Variants in SLC9B2 observed in about 807,000 individuals in gnomAD.
The protein encoded by SLC9B2 is solute carrier family 9 member B2.
Under a neutral mutation model 52.2 loss-of-function variants are expected in SLC9B2, and 39 were observed. The observed-to-expected ratio is 0.75, with a 90% CI of 0.58 to 0.98. The LOEUF is 0.98. Among genes scored for constraint, SLC9B2 ranks in the 50% least tolerant of loss-of-function variants. The probability of loss-of-function intolerance (pLI) is 0.00; values close to 1 mark genes in which losing one functional copy is unlikely to be tolerated. For missense variants in SLC9B2, 626 were observed against 637.5 expected (o/e 0.98, Z 0.19); for synonymous variants, 214 against 227.0 (o/e 0.94, Z 0.51).
chr4:103,027,888 C>T (rs1292780524), intron 11 of SLC9B2, among the ~76,000 whole-genome samples: 3 of 152,028 alleles, frequency 2.0e-5, no homozygotes, highest in Non-Finnish European at 4.4e-5. Context: ...ATACACATCC[C>T]CCAAAGCCTC....
chr4:103,066,401 G>C lies in SLC9B2; in HGVS notation c.197C>G (p.Ala66Gly). ...EKKLQETPTEANHVQRLRQML... is the reference protein window; with the variant it reads ...EKKLQETPTEGNHVQRLRQML... ...TTGTCTCAGTCTTTGTACGTGATTT[G>C]CTTCAGTTGGTGTTTCTTGTAGCTT... The change falls in exon 3 of 12, where the codon GCA (alanine) becomes GGA (glycine). Residue 66 changes from alanine to glycine, a missense_variant. Coordinates refer to ENST00000394785, the MANE Select transcript of SLC9B2 (RefSeq NM_178833.7). 1 of 1,614,034 alleles carries C rather than the reference G, an allele frequency of 6.2e-7. No individual in the cohort carries two copies. Among genetic ancestry groups the C allele is most frequent in the Non-Finnish European group, 8.5e-7 (1 of 1,179,960 alleles).
intron 3 of SLC9B2, among the ~76,000 whole-genome samples, chr4:103,061,437 C>T (rs1745632043): frequency 6.6e-6 from 1 of 152,056 alleles, no homozygotes. Context: ...CATATTCTCA[C>T]TCATAGGTGG....
At chr4:103,059,863 G>C (rs1745471905) in intron 3 of SLC9B2, among the ~76,000 whole-genome samples, 1 of 151,990 alleles carries the variant, frequency 6.6e-6, no homozygotes. Context: ...TGTATCATCT[G>C]GAATTATCTT....
intron 2 of SLC9B2, among the ~76,000 whole-genome samples, chr4:103,067,237 A>G (rs1273563653): frequency 6.6e-6 from 1 of 152,188 alleles, no homozygotes; most frequent in Non-Finnish European, 1.5e-5. Context: ...TTTAAACAAT[A>G]AAAAGGAAGA....
rs1741905851 is a variant in SLC9B2 at position 103,022,987 on chromosome 4, C to T, written c.*3383G>A. On this transcript the variant is annotated 3_prime_UTR_variant, in exon 12 of 12. Coordinates refer to ENST00000394785, the MANE Select transcript of SLC9B2 (RefSeq NM_178833.7). ...CAGGGAGAGAGACTTCACCAGAGCC[C>T]AACAATGCTGGCATCCTGATCTCGA... Among the ~76,000 whole-genome samples, 1 of 152,148 alleles carries T rather than the reference C, an allele frequency of 6.6e-6. No homozygotes were observed. Among genetic ancestry groups the T allele is most frequent in the Non-Finnish European group, 1.5e-5 (1 of 68,026 alleles).
At chr4:103,052,239 G>T (rs1381341853) in intron 4 of SLC9B2, among the ~76,000 whole-genome samples, 1 of 152,202 alleles carries the variant, frequency 6.6e-6, no homozygotes, top group African/African-American at 2.4e-5. Flanking sequence ...ACACAACCTA[G>T]ATTCCTTGAA....
downstream of SLC9B2, chr4:103,019,868 G>T (rs1741669366): frequency 1.0e-6 from 1 of 986,218 alleles, no homozygotes; most frequent in South Asian, 4.6e-5. Flanking sequence ...CGTCTCTTCT[G>T]AATATTGACT....
rs897322503 is a variant in SLC9B2, at chr4:103,048,930, G to C, written c.676C>G (p.Leu226Val). ...CCCCATTGCCATGGTAAACCCAGCA[G>C]GTAATGGGCAAGAAGAGCAGATGTG... ...ACTSALLAHY[L>V]LGLPWQWGFI... The change falls in exon 6 of 12, where the codon CTG (leucine) becomes GTG (valine). Residue 226 changes from leucine (L) to valine (V), a missense_variant. By Grantham distance (32) the Leu-to-Val change is conservative (BLOSUM62 1). Coordinates refer to ENST00000394785, the MANE Select transcript of SLC9B2 (RefSeq NM_178833.7). The C allele has an allele frequency of 6.2e-7, 1 of 1,613,806 alleles. No individual in the cohort carries two copies. Among genetic ancestry groups the C allele is most frequent in the African/African-American group, 1.3e-5 (1 of 74,900 alleles).
intron 4 of SLC9B2, among the ~76,000 whole-genome samples, chr4:103,052,631 A>G (rs557736795): frequency 1.3e-5 from 2 of 152,316 alleles, no homozygotes; most frequent in Admixed American, 1.3e-4. Flanking sequence ...ATGGCATTCA[A>G]TGACCTGAAA....
rs910509518 is a variant in SLC9B2 at position 103,050,289 on chromosome 4, A to G, written c.536T>C (p.Ile179Thr). ...KHKWSSSLRS[I>T]ALSIILVRAG... ...ACGAACCAGAATGATAGACAGGGCT[A>G]TGCTTCTCAAAGAGGAAGACCACTT... Residue 179 changes from isoleucine to threonine, a missense_variant, in exon 5 of 12, where the codon ATA becomes ACA. Physicochemically the swap from Ile to Thr is moderately conservative, Grantham distance 89. Transcript: ENST00000394785. The G allele has an allele frequency of 2.5e-6, 4 of 1,610,076 alleles. No individual in the cohort carries two copies. Among genetic ancestry groups the G allele is most frequent in the African/African-American group, 1.3e-5 (1 of 74,648 alleles).
chr4:103,026,638 A>G, intron 11 of SLC9B2, 47 bp from the exon 12 acceptor site: 1 of 1,530,420 alleles, frequency 6.5e-7, no homozygotes, highest in Non-Finnish European at 8.8e-7. Context: ...AGATAAGCAC[A>G]TATAAAAAAA....
At chr4:103,041,064 G>C (rs1452715399) in intron 9 of SLC9B2, among the ~76,000 whole-genome samples, 1 of 152,154 alleles carries the variant, frequency 6.6e-6, no homozygotes, top group Non-Finnish European at 1.5e-5. Context: ...CTAGAAAGCA[G>C]TCTGGTAATA....
intron 9 of SLC9B2, among the ~76,000 whole-genome samples, chr4:103,041,544 G>T (rs919985585): frequency 1.3e-5 from 2 of 152,096 alleles, no homozygotes; most frequent in African/African-American, 4.8e-5. Context: ...GGAGGTATCA[G>T]TCTCTCCTTC....
intron 2 of SLC9B2, 59 bp from the exon 3 acceptor site, chr4:103,066,566 AG>A (rs1299453544): frequency 6.0e-6 from 9 of 1,488,602 alleles, no homozygotes; most frequent in Non-Finnish European, 8.2e-6. Context: ...ACATATTTAT[AG>A]GTACTGCATC....
chr4:103,057,248 A>ATATATATATG (rs1364656163), intron 4 of SLC9B2, among the ~76,000 whole-genome samples: 1 of 36,188 alleles, frequency 2.8e-5, no homozygotes, highest in African/African-American at 4.1e-4. Flanking sequence ...TTTTAAGTAT[A>ATATATATATG]TATATATATA....
chr4:103,033,273 T>G (rs1046436821), intron 9 of SLC9B2, among the ~76,000 whole-genome samples: 1 of 151,862 alleles, frequency 6.6e-6, no homozygotes, highest in Non-Finnish European at 1.5e-5. Flanking sequence ...AAAAAAGACA[T>G]AGATCCTAAC....
chr4:103,018,466 GA>G, downstream of SLC9B2, among the ~76,000 whole-genome samples: 1 of 152,292 alleles, frequency 6.6e-6, no homozygotes, highest in East Asian at 1.9e-4. Flanking sequence ...GGCACACAGT[GA>G]CTAAAATATT....
At chr4:103,057,244 GTATATATA>G (rs56742547) in intron 4 of SLC9B2, among the ~76,000 whole-genome samples, 13,913 of 137,224 alleles carry the variant, frequency 0.1, 775 homozygotes, top group South Asian at 0.19. Flanking sequence ...TTAATTTTAA[GTATATATA>G]TATATATATA....
intron 9 of SLC9B2, among the ~76,000 whole-genome samples, chr4:103,038,475 G>A (rs1356241900): frequency 6.6e-6 from 1 of 152,094 alleles, no homozygotes; most frequent in Non-Finnish European, 1.5e-5. Context: ...CTTCTTGTGG[G>A]TTTTTCATAA....
Sources: gnomAD v4.1 joint callset for allele counts (sites outside exome capture counted in the v4.1 genomes callset) on GRCh38, gnomAD v4.1.1 for gene constraint, MANE v1.5 for transcripts, NCBI Gene and HGNC (gene_info 2026-07-23, HGNC 2026-07-21) for gene names.